TRPM6: variants seen among roughly 807,000 people sequenced by gnomAD.
The protein encoded by TRPM6 is channel kinase 2.
Under a neutral mutation model 247.6 loss-of-function variants are expected in TRPM6, and 111 were observed. The observed-to-expected ratio is 0.45, with a 90% CI of 0.38 to 0.52. TRPM6 has a LOEUF of 0.52. TRPM6 is among the 20% of genes least tolerant of loss of function. The probability of loss-of-function intolerance (pLI) is 0.00; values close to 1 mark genes in which losing one functional copy is unlikely to be tolerated. For synonymous variants in TRPM6, 892 were observed against 853.8 expected (o/e 1.04, Z -0.78); for missense variants, 2,126 against 2,421.5 (o/e 0.88, Z 2.56).
intron 38 of TRPM6, 61 bp downstream of exon 38, chr9:74,728,178 T>A: frequency 4.9e-6 from 6 of 1,231,046 alleles, no homozygotes; most frequent in Non-Finnish European, 4.8e-6. Context: ...TATCCCAGGT[T>A]ACAAAGGATG....
intron 1 of TRPM6, among the ~76,000 whole-genome samples, chr9:74,874,471 AG>A (rs1428382962): frequency 6.6e-6 from 1 of 152,204 alleles, no homozygotes; most frequent in Non-Finnish European, 1.5e-5. Flanking sequence ...CAGGAAGGAA[AG>A]GAGAGCACAG....
chr9:74,815,285 A>G (rs956462487), intron 11 of TRPM6, among the ~76,000 whole-genome samples: 2 of 152,206 alleles, frequency 1.3e-5, no homozygotes, highest in Non-Finnish European at 2.9e-5. Flanking sequence ...AAAAATGGTG[A>G]CAAAGAATCT....
At chr9:74,801,243 A>ATTTTTTTTTT (rs59490187) in intron 16 of TRPM6, among the ~76,000 whole-genome samples, 2 of 85,252 alleles carry the variant, frequency 2.3e-5, no homozygotes, top group African/African-American at 4.4e-5. Flanking sequence ...AAGCCTGGGA[A>ATTTTTTTTTT]TTTTTTTTTT....
In TRPM6 at chr9:74,748,772, C is replaced by T. The variant is rs527593626; in HGVS notation, c.5058-858G>A. Among the ~76,000 whole-genome samples the T allele has an allele frequency of 2.6e-5, 4 of 152,122 alleles. No individual in the cohort carries two copies. In the East Asian group the frequency reaches 7.7e-4, roughly 29 times the overall value. On this transcript the variant is annotated intron_variant, in intron 30 of 38. Coordinates refer to ENST00000360774, the MANE Select transcript of TRPM6 (RefSeq NM_017662.5). The stretch of plus-strand genomic sequence containing the variant: ...TACAGTTTATCAAGTAAAAAAGTTA[C>T]GGTAAAGCTAAGGTTAATTGGTTAT...
Position 74,739,930 on chromosome 9 carries a change from C to T in TRPM6, c.5280G>A (p.Gln1760=). Residue 1760 remains glutamine (Q), a synonymous_variant, in exon 34 of 39, where the codon CAG becomes CAA. Transcript: ENST00000360774. ...NLDKSMSSWS[Q]RGRAAMIQVL... ...CCTGGATCATTGCCGCTCTCCCACG[C>T]TGAGACCAAGAGGACATGCTTTTAT... is the stretch of plus-strand genomic sequence containing the variant. 6.2e-7 allele frequency: 1 copy of T among 1,614,142 alleles called. No homozygotes were observed.
In TRPM6 at chr9:74,777,530, A is replaced by G. The variant is rs540489143; in HGVS notation, c.3210-1454T>C. 2.0e-5 allele frequency among the ~76,000 whole-genome samples: 3 copies of G among 152,328 alleles called. No homozygotes were observed. The South Asian group carries it at 6.2e-4, about 32-fold the overall frequency. The stretch of plus-strand genomic sequence containing the variant: ...TTTATTTATCTAGCTCAAAGTATAC[A>G]CTACCACAGTCTTGTTTGCTACTCC... On this transcript the variant is annotated intron_variant, in intron 23 of 38. Coordinates refer to ENST00000360774, the MANE Select transcript of TRPM6 (RefSeq NM_017662.5).
intron 36 of TRPM6, chr9:74,737,368 T>G (rs915251477): frequency 2.3e-6 from 3 of 1,288,860 alleles, no homozygotes; most frequent in African/African-American, 1.5e-5. Context: ...ACATTGCTCA[T>G]GATGCCCCAG....
At chr9:74,885,321 A>G (rs1172581509) in intron 1 of TRPM6, among the ~76,000 whole-genome samples, 6 of 152,264 alleles carry the variant, frequency 3.9e-5, no homozygotes. Context: ...TTAAATCCAC[A>G]CATTTCTTGC....
At position 74,792,614 on chromosome 9, in the gene TRPM6, T is replaced by C. The variant is rs530496923; in HGVS notation, c.2538+10A>G. 6.2e-7 allele frequency: 1 copy of C among 1,613,072 alleles called. No individual in the cohort carries two copies. The highest frequency in any genetic ancestry group is 2.2e-5 in the East Asian group (1 of 44,852). On this transcript the variant is annotated intron_variant, in intron 19 of 38. Coordinates refer to ENST00000360774, the MANE Select transcript of TRPM6 (RefSeq NM_017662.5). ...ATTAATCCGACATATATTGTTGCAA[T>C]GAGACCAACCGTATAAAACCAAAAC...
intron 19 of TRPM6, among the ~76,000 whole-genome samples, chr9:74,790,035 T>TGTGTGG (rs1554703849): frequency 6.9e-6 from 1 of 144,530 alleles, no homozygotes; most frequent in African/African-American, 2.6e-5. Flanking sequence ...TGTGTGTGTG[T>TGTGTGG]GGGTTCATTC....
Position 74,820,416 on chromosome 9 carries a change from G to GT in TRPM6, c.1021_1022insA (p.Pro341HisfsTer18), listed in dbSNP as rs1829097079. 2.5e-6 allele frequency: 4 copies of GT among 1,614,098 alleles called. No individual in the cohort carries two copies. The highest frequency in any genetic ancestry group is 3.4e-6 in the Non-Finnish European group (4 of 1,180,018). ...GCAGATGATCTCCTCTTTCACCTGAGGTCGCAGCATCCTGGAAGAGAAATA... is the reference window on the plus strand; with the variant it reads ...GCAGATGATCTCCTCTTTCACCTGAGTGTCGCAGCATCCTGGAAGAGAAATA... On this transcript the variant is annotated frameshift_variant, in exon 9 of 39. Coordinates refer to ENST00000360774, the MANE Select transcript of TRPM6 (RefSeq NM_017662.5). LOFTEE classifies it high-confidence loss of function.
intron 11 of TRPM6, among the ~76,000 whole-genome samples, chr9:74,816,289 A>C (rs1157494401): frequency 2.6e-5 from 4 of 152,102 alleles, no homozygotes; most frequent in Non-Finnish European, 5.9e-5. Flanking sequence ...GGATTACCTG[A>C]CCCCAGGAGT....
chr9:74,737,599 G>GCATC, intron 36 of TRPM6: 1 of 413,472 alleles, frequency 2.4e-6, no homozygotes, highest in Non-Finnish European at 4.3e-6. Context: ...GCTTAAGTCT[G>GCATC]CATCCTGGCT....
At position 74,825,751 on chromosome 9, in the gene TRPM6, C is replaced by T. The variant is rs546052613; in HGVS notation, c.841+2027G>A. Among the ~76,000 whole-genome samples, 4 of 152,162 alleles carry T rather than the reference C, an allele frequency of 2.6e-5. No homozygotes were observed. The South Asian group carries it at 6.2e-4, about 24-fold the overall frequency. On this transcript the variant is annotated intron_variant, in intron 7 of 38. Coordinates refer to ENST00000360774, the MANE Select transcript of TRPM6 (RefSeq NM_017662.5). ...ACCTCCCATGGAGCATACATTATAG[C>T]GCTGCACAGAACCCCACGCAATTTA... is the stretch of plus-strand genomic sequence containing the variant.
At chr9:74,824,650 G>A (rs1829267072) in intron 7 of TRPM6, among the ~76,000 whole-genome samples, 1 of 151,926 alleles carries the variant, frequency 6.6e-6, no homozygotes, top group Non-Finnish European at 1.5e-5. Context: ...GTCCCAGGGT[G>A]AGGCAGGAAT....
intron 3 of TRPM6, among the ~76,000 whole-genome samples, chr9:74,845,588 T>C (rs1830084516): frequency 6.6e-6 from 1 of 151,986 alleles, no homozygotes; most frequent in South Asian, 2.1e-4. Context: ...TCCAGCACAT[T>C]GGGAGGGTGA....
At chr9:74,887,390 C>A in intron 1 of TRPM6, 1 of 1,390,718 alleles carries the variant, frequency 7.2e-7, no homozygotes, top group Non-Finnish European at 9.4e-7. Flanking sequence ...AGATCTGTGC[C>A]CGTGGCAGCT....
chr9:74,798,183 G>T (rs1226474446), intron 17 of TRPM6, among the ~76,000 whole-genome samples: 1 of 151,848 alleles, frequency 6.6e-6, no homozygotes, highest in Non-Finnish European at 1.5e-5. Flanking sequence ...CTGGTATTCA[G>T]TGATGAAAAA....
At chr9:74,765,982 G>C (rs1001032429) in intron 25 of TRPM6, among the ~76,000 whole-genome samples, 7 of 152,170 alleles carry the variant, frequency 4.6e-5, no homozygotes, top group Non-Finnish European at 7.3e-5. Flanking sequence ...GAACTGGCAA[G>C]GATGATGTGG....
Sources: gnomAD v4.1 joint callset for allele counts (sites outside exome capture counted in the v4.1 genomes callset) on GRCh38, gnomAD v4.1.1 for gene constraint, MANE v1.5 for transcripts, NCBI Gene and HGNC (gene_info 2026-07-23, HGNC 2026-07-21) for gene names.